ESRRG: variants seen among roughly 807,000 people sequenced by gnomAD.
ESRRG encodes the protein estrogen related receptor gamma.
ESRRG carries 13 observed loss-of-function variants against 44.0 expected under a neutral mutation model. The observed-to-expected ratio is 0.30, with a 90% confidence interval of 0.19 to 0.47. The LOEUF (loss-of-function observed/expected upper bound fraction) is 0.47, where lower values mean the gene tolerates loss of function less well. Ranked by LOEUF, ESRRG falls within the 20% of genes least tolerant of loss-of-function variation. The probability of loss-of-function intolerance (pLI) is 1.00; values close to 1 mark genes in which losing one functional copy is unlikely to be tolerated. For synonymous variants in ESRRG, 215 were observed against 214.6 expected (o/e 1.00, Z -0.02); for missense variants, 395 against 580.6 (o/e 0.68, Z 3.29).
intron 1 of ESRRG, chr1:217,078,084 G>A (rs1465142268): frequency 6.6e-6 from 1 of 152,188 alleles, no homozygotes; most frequent in Non-Finnish European, 1.5e-5. Flanking sequence ...TTGTATAATG[G>A]TTGATTGCAG....
chr1:216,506,684 A>C lies in ESRRG; in HGVS notation c.*255T>G. 1.7e-6 allele frequency: 1 copy of C among 571,698 alleles called. No individual in the cohort carries two copies. The highest frequency in any genetic ancestry group is 3.2e-6 in the Non-Finnish European group (1 of 314,014). The allele number at this position is 571,698 out of a possible 1,614,324, so 35.4% of individuals were successfully genotyped here. The stretch of plus-strand genomic sequence containing the variant: ...GCAAAGAAATAAGGGAGGTGAAAGA[A>C]GAAAAGGAGAAAAAATAAAGAGAAA... On this transcript the variant is annotated 3_prime_UTR_variant, in exon 7 of 7. Transcript: ENST00000408911.
Position 217,005,738 on chromosome 1 carries a change from T to C in ESRRG, c.-105-66065A>G, listed in dbSNP as rs115265364. Among the ~76,000 whole-genome samples the C allele has an allele frequency of 3.7e-3, 569 of 152,060 alleles. 2 individuals carry two copies. The highest frequency in any genetic ancestry group is 0.013 in the African/African-American group (545 of 41,572). On this transcript the variant is annotated intron_variant, in intron 1 of 7. Transcript: ENST00000359162. ...CTTCTGACCATTAGGAAAAAAATTT[T>C]TAATAGTAGGTCTAAAACCATAGCT...
chr1:216,935,861 T>A (rs1225410906), intron 2 of ESRRG, among the ~76,000 whole-genome samples: 1 of 152,050 alleles, frequency 6.6e-6, no homozygotes, highest in Non-Finnish European at 1.5e-5. Flanking sequence ...GTGACCTGCC[T>A]GCCTCGGCCT....
intron 1 of ESRRG, among the ~76,000 whole-genome samples, chr1:216,706,220 C>A (rs559279798): frequency 2.0e-5 from 3 of 149,484 alleles, no homozygotes; most frequent in Non-Finnish European, 4.4e-5. Flanking sequence ...GAAGAGAATT[C>A]AAAGGGAGTG....
intron 1 of ESRRG, among the ~76,000 whole-genome samples, chr1:216,970,619 C>T (rs913569304): frequency 1.3e-5 from 2 of 152,000 alleles, no homozygotes; most frequent in Middle Eastern, 3.2e-3. Flanking sequence ...TATTTTTAAC[C>T]TAATCATGGT....
intron 6 of ESRRG, among the ~76,000 whole-genome samples, chr1:216,516,615 G>T (rs1053154090): frequency 1.2e-5 from 1 of 82,812 alleles, no homozygotes; most frequent in Non-Finnish European, 2.6e-5. Context: ...TGTTAATCTG[G>T]AATTCCTAAA....
At chr1:216,556,334 T>C (rs1002445704) in intron 5 of ESRRG, among the ~76,000 whole-genome samples, 8 of 152,130 alleles carry the variant, frequency 5.3e-5, no homozygotes, top group Admixed American at 5.2e-4. Context: ...TAATATGTGG[T>C]GAACTGAATG....
chr1:217,097,508 C>A (rs983370439), intron 1 of ESRRG, among the ~76,000 whole-genome samples: 1 of 152,120 alleles, frequency 6.6e-6, no homozygotes, highest in Non-Finnish European at 1.5e-5. Context: ...AAAATGACAG[C>A]AGGAGAAGCC....
chr1:217,054,290 A>G (rs1407459773), intron 1 of ESRRG, among the ~76,000 whole-genome samples: 2 of 152,168 alleles, frequency 1.3e-5, no homozygotes, highest in Admixed American at 1.3e-4. Context: ...TAAAGGTCAT[A>G]CTGGGGGGGA....
chr1:217,033,449 T>C (rs922891141), intron 1 of ESRRG, among the ~76,000 whole-genome samples: 9 of 152,216 alleles, frequency 5.9e-5, no homozygotes, highest in South Asian at 2.1e-4. Context: ...TCCTTTTATG[T>C]CAAAGTCACG....
chr1:216,908,465 T>C (rs1319430431), intron 2 of ESRRG, among the ~76,000 whole-genome samples: 1 of 152,172 alleles, frequency 6.6e-6, no homozygotes, highest in Non-Finnish European at 1.5e-5. Flanking sequence ...AGAATTTTGG[T>C]GCTGGGAAGC....
intron 1 of ESRRG, among the ~76,000 whole-genome samples, chr1:217,006,563 T>A (rs560207101): frequency 6.6e-6 from 1 of 152,040 alleles, no homozygotes; most frequent in Non-Finnish European, 1.5e-5. Flanking sequence ...GGACCAGAAG[T>A]GTTTTCGATT....
chr1:216,564,976 C>G (rs1374212079), intron 4 of ESRRG, among the ~76,000 whole-genome samples: 2 of 152,078 alleles, frequency 1.3e-5, no homozygotes, highest in African/African-American at 2.4e-5. Flanking sequence ...CTCCCCCTCC[C>G]CACACACCCA....
chr1:216,617,373 C>A (rs893282730), intron 3 of ESRRG, among the ~76,000 whole-genome samples: 1 of 152,030 alleles, frequency 6.6e-6, no homozygotes, highest in East Asian at 1.9e-4. Context: ...TTGTTAAAAA[C>A]CTGCTCCTGT....
chr1:216,782,367 C>G (rs1484612476), intron 2 of ESRRG, among the ~76,000 whole-genome samples: 1 of 151,952 alleles, frequency 6.6e-6, no homozygotes, highest in Non-Finnish European at 1.5e-5. Context: ...TTCTCTCTGT[C>G]TCTGTCTTTC....
At chr1:217,101,043 T>C (rs1243678487) in intron 1 of ESRRG, among the ~76,000 whole-genome samples, 2 of 152,328 alleles carry the variant, frequency 1.3e-5, no homozygotes, top group African/African-American at 2.4e-5. Context: ...GAGTAACCTA[T>C]TGGTAATGAG....
chr1:216,932,857 C>G lies in ESRRG; in HGVS notation c.-14+6725G>C, dbSNP rs369335273. Reference sequence around the variant, plus strand: ...TGCTAGAATTACAGGAATGAGCCACCATGTCCAGCCAATTTATATAATTTT... The same window carrying G: ...TGCTAGAATTACAGGAATGAGCCACGATGTCCAGCCAATTTATATAATTTT... On this transcript the variant is annotated intron_variant, in intron 2 of 7. Transcript: ENST00000359162. Among the ~76,000 whole-genome samples, 3 of 151,096 alleles carry G rather than the reference C, an allele frequency of 2.0e-5. No individual in the cohort carries two copies. In the East Asian group the frequency reaches 5.9e-4, roughly 30 times the overall value.
intron 1 of ESRRG, among the ~76,000 whole-genome samples, chr1:216,705,563 G>A (rs1245636834): frequency 1.3e-5 from 2 of 152,110 alleles, no homozygotes; most frequent in African/African-American, 2.4e-5. Flanking sequence ...AAAACAGGCT[G>A]AGCATTATCT....
intron 1 of ESRRG, among the ~76,000 whole-genome samples, chr1:217,135,099 C>A (rs2093030679): frequency 6.6e-6 from 1 of 152,206 alleles, no homozygotes; most frequent in African/African-American, 2.4e-5. Flanking sequence ...TGCCAAATGG[C>A]CAGGCTTCCT....
Sources: allele counts gnomAD v4.1 joint callset (sites outside exome capture counted in the v4.1 genomes callset), GRCh38; gene constraint gnomAD v4.1.1; transcripts MANE v1.5; gene names NCBI Gene and HGNC (gene_info 2026-07-23, HGNC 2026-07-21).